Variants in MANSC1 observed in about 807,000 individuals in gnomAD.
MANSC1 encodes the protein MANSC domain-containing protein 1.
In MANSC1, 13 loss-of-function variants were observed where a neutral mutation model predicts 14.1. That is an observed-to-expected ratio of 0.92 (90% CI 0.60 to 1.46). The LOEUF (loss-of-function observed/expected upper bound fraction) is 1.46, where lower values mean the gene tolerates loss of function less well. MANSC1 is among the 40% of genes most tolerant of loss of function. MANSC1 has a pLI of 0.00. For synonymous variants in MANSC1, 227 were observed against 200.7 expected (o/e 1.13, Z -1.11); for missense variants, 486 against 511.4 (o/e 0.95, Z 0.48).
chr12:12,338,597 G>C (rs761276590), intron 2 of MANSC1, 37 bp from the exon 3 acceptor site: 1 of 1,603,920 alleles, frequency 6.2e-7, no homozygotes, highest in Admixed American at 1.7e-5. Context: ...ATTTTGAAAT[G>C]CGATTTTCTA....
intron 3 of MANSC1, among the ~76,000 whole-genome samples, chr12:12,336,790 G>A (rs1001924409): frequency 2.6e-5 from 4 of 152,160 alleles, no homozygotes; most frequent in Admixed American, 2.0e-4. Context: ...CCAGAGTGCT[G>A]GAATTATAGG....
chr12:12,335,572 G>A (rs1040481791), intron 3 of MANSC1, among the ~76,000 whole-genome samples: 25 of 150,824 alleles, frequency 1.7e-4, no homozygotes, highest in South Asian at 1.1e-3. Context: ...AATTCCTGAC[G>A]TTGTGATCTG....
chr12:12,329,802 T>A lies in MANSC1; in HGVS notation c.*225A>T. The stretch of plus-strand genomic sequence containing the variant: ...AGGAGGCTGAGGCAGGAGAATCGCT[T>A]GAACCCAGGAGACGGAGGTTGCGGT... On this transcript the variant is annotated 3_prime_UTR_variant, in exon 4 of 4. Coordinates refer to ENST00000535902, the MANE Select transcript of MANSC1 (RefSeq NM_018050.4). 1 of 485,188 alleles carries A rather than the reference T, an allele frequency of 2.1e-6. No homozygotes were observed. The highest frequency in any genetic ancestry group is 3.4e-5 in the East Asian group (1 of 29,006). 30.1% of individuals were successfully genotyped at this position (485,188 alleles called of 1,614,324 possible). A position where few individuals can be genotyped will look rare whatever the true frequency, so the allele number is the denominator to read the frequency against.
At chr12:12,344,969 T>TATA (rs1862991469) in intron 1 of MANSC1, among the ~76,000 whole-genome samples, 3 of 55,196 alleles carry the variant, frequency 5.4e-5, no homozygotes, top group African/African-American at 1.8e-4. Context: ...ATATATATAT[T>TATA]ACACTAGTTC....
At chr12:12,339,488 G>A (rs906093426) in intron 2 of MANSC1, among the ~76,000 whole-genome samples, 1 of 152,038 alleles carries the variant, frequency 6.6e-6, no homozygotes, top group Non-Finnish European at 1.5e-5. Flanking sequence ...GGCTAGTCTT[G>A]AACTCCTGGG....
At position 12,329,051 on chromosome 12, in the gene MANSC1, G is replaced by C. The variant is rs1862746517; in HGVS notation, c.*976C>G. ...AAGTTAACTAGAACAGATCCCAAGTGGATATGGCCATTTATCAGAACTGAC... is the reference window on the plus strand; with the variant it reads ...AAGTTAACTAGAACAGATCCCAAGTCGATATGGCCATTTATCAGAACTGAC... On this transcript the variant is annotated 3_prime_UTR_variant, in exon 4 of 4. Coordinates refer to ENST00000535902, the MANE Select transcript of MANSC1 (RefSeq NM_018050.4). 6.6e-6 allele frequency: 1 copy of C among 150,872 alleles called. No individual in the cohort carries two copies. The highest frequency in any genetic ancestry group is 1.5e-5 in the Non-Finnish European group (1 of 68,040). The allele number at this position is 150,872 out of a possible 1,614,324, so 9.3% of individuals were successfully genotyped here. A position where few individuals can be genotyped will look rare whatever the true frequency, so the allele number is the denominator to read the frequency against.
rs953901958 is a variant in MANSC1, at chr12:12,335,547, G to A, written c.364+2873C>T. Among the ~76,000 whole-genome samples the A allele has an allele frequency of 7.3e-5, 11 of 150,962 alleles. 1 individual carries two copies. The South Asian group carries it at 2.3e-3, about 32-fold the overall frequency. On this transcript the variant is annotated intron_variant, in intron 3 of 3. Transcript: ENST00000535902. The stretch of plus-strand genomic sequence containing the variant: ...GTAGAGACGGGGTTTCACCATGTTG[G>A]CCAGGCTGGTCTCGAATTCCTGACG...
At chr12:12,343,049 C>A in intron 2 of MANSC1, 43 bp downstream of exon 2, 1 of 1,451,038 alleles carries the variant, frequency 6.9e-7, no homozygotes, top group Non-Finnish European at 9.7e-7. Flanking sequence ...CCTGAAGCCA[C>A]AAAACACATG....
Position 12,329,726 on chromosome 12 carries a change from A to C in MANSC1, c.*301T>G. ...TGGTGAAACCCCGTCTCTACTAAAA[A>C]TACAAAAATCACCCAGGTGTGGTGG... On this transcript the variant is annotated 3_prime_UTR_variant, in exon 4 of 4. Coordinates refer to ENST00000535902, the MANE Select transcript of MANSC1 (RefSeq NM_018050.4). The C allele has an allele frequency of 3.7e-6, 1 of 266,758 alleles. No homozygotes were observed. The highest frequency in any genetic ancestry group is 7.2e-6 in the Non-Finnish European group (1 of 139,762). 16.5% of individuals were successfully genotyped at this position (266,758 alleles called of 1,614,324 possible).
At position 12,330,860 on chromosome 12, in the gene MANSC1, G is replaced by C. The variant is rs1371697341; in HGVS notation, c.463C>G (p.His155Asp). The change falls in exon 4 of 4, where the codon CAT (histidine) becomes GAT (aspartate). Residue 155 changes from histidine (H) to aspartate (D), a missense_variant. Coordinates refer to ENST00000535902, the MANE Select transcript of MANSC1 (RefSeq NM_018050.4). ...QFSQAVTPLA[H>D]HHTDYSKPTD... ...GGCTTTGAATAATCTGTGTGATGAT[G>C]GGCTAGGGGAGTGACTGCTTGTGAA... is the stretch of plus-strand genomic sequence containing the variant. The C allele has an allele frequency of 4.3e-6, 7 of 1,614,010 alleles. No individual in the cohort carries two copies. In the East Asian group the frequency reaches 1.6e-4, roughly 36 times the overall value.
chr12:12,330,568 G>A lies in MANSC1; in HGVS notation c.755C>T (p.Ala252Val). ...GGAAGTCCCAGAAGGTGTCACTGAAGCATTGGTGGGTAGAAGGGTGGCGGG... is the reference window on the plus strand; with the variant it reads ...GGAAGTCCCAGAAGGTGTCACTGAAACATTGGTGGGTAGAAGGGTGGCGGG... The part of the protein sequence containing the change: ...PKPATLLPTN[A>V]SVTPSGTSQP... The change falls in exon 4 of 4, where the codon GCT (alanine) becomes GTT (valine). Residue 252 changes from alanine to valine, a missense_variant. Ala to Val is a moderately conservative substitution (Grantham distance 64). Transcript: ENST00000535902. 6.2e-7 allele frequency: 1 copy of A among 1,614,242 alleles called. No individual in the cohort carries two copies. Among genetic ancestry groups the A allele is most frequent in the Non-Finnish European group, 8.5e-7 (1 of 1,180,040 alleles).
intron 1 of MANSC1, among the ~76,000 whole-genome samples, chr12:12,349,589 G>A (rs1400154621): frequency 6.6e-6 from 1 of 152,132 alleles, no homozygotes; most frequent in Non-Finnish European, 1.5e-5. Context: ...GAGTTTTAAC[G>A]TCTGCATACA....
In MANSC1 at chr12:12,330,616, T is replaced by G. The variant is rs764739130; in HGVS notation, c.707A>C (p.His236Pro). ...GGGCTTTGGAGTAGCCGAGGTGGTA[T>G]GTGGAGAAGCAACTGCCACCGTAGC... ...LPATVAVASP[H>P]TTSATPKPAT... is the part of the protein sequence containing the mutation. Residue 236 changes from histidine to proline, a missense_variant, in exon 4 of 4, where the codon CAT becomes CCT. Physicochemically the swap from His to Pro is moderately conservative, Grantham distance 77. Coordinates refer to ENST00000535902, the MANE Select transcript of MANSC1 (RefSeq NM_018050.4). 1 of 1,614,058 alleles carries G rather than the reference T, an allele frequency of 6.2e-7. No individual in the cohort carries two copies. Among genetic ancestry groups the G allele is most frequent in the Non-Finnish European group, 8.5e-7 (1 of 1,180,018 alleles).
At chr12:12,342,001 A>C (rs1415214917) in intron 2 of MANSC1, among the ~76,000 whole-genome samples, 1 of 152,198 alleles carries the variant, frequency 6.6e-6, no homozygotes, top group Non-Finnish European at 1.5e-5. Context: ...ATCACAGACA[A>C]ACAAACAAAA....
chr12:12,335,797 G>C (rs1166872138), intron 3 of MANSC1, among the ~76,000 whole-genome samples: 1 of 151,400 alleles, frequency 6.6e-6, no homozygotes. Flanking sequence ...AACCGACACT[G>C]CATCACTGAA....
rs537383490 is a variant in MANSC1, at chr12:12,338,052, A to G, written c.364+368T>C. Among the ~76,000 whole-genome samples, 16 of 152,350 alleles carry G rather than the reference A, an allele frequency of 1.1e-4. No homozygotes were observed. The East Asian group carries it at 2.9e-3, about 28-fold the overall frequency. ...TGATTATAATGGGAACTTAATAACA[A>G]ATATACTAGAACTTTCTATATTAAC... On this transcript the variant is annotated intron_variant, in intron 3 of 3. Coordinates refer to ENST00000535902, the MANE Select transcript of MANSC1 (RefSeq NM_018050.4).
At chr12:12,341,764 G>A (rs1437683663) in intron 2 of MANSC1, among the ~76,000 whole-genome samples, 1 of 152,220 alleles carries the variant, frequency 6.6e-6, no homozygotes, top group Non-Finnish European at 1.5e-5. Flanking sequence ...GCCAAGGTGG[G>A]AGGATCATTT....
At chr12:12,331,001 A>G in intron 3 of MANSC1, 43 bp from the exon 4 acceptor site, 1 of 1,181,908 alleles carries the variant, frequency 8.5e-7, no homozygotes, top group Non-Finnish European at 1.2e-6. Context: ...ATGTAACTCC[A>G]TGCTACGGTA....
At chr12:12,348,751 T>C (rs1202877742) in intron 1 of MANSC1, among the ~76,000 whole-genome samples, 1 of 147,760 alleles carries the variant, frequency 6.8e-6, no homozygotes, top group East Asian at 2.0e-4. Context: ...CAAACCAGTA[T>C]ATGGTAATAA....
Sources: gnomAD v4.1 joint callset for allele counts (sites outside exome capture counted in the v4.1 genomes callset) on GRCh38, gnomAD v4.1.1 for gene constraint, MANE v1.5 for transcripts, NCBI Gene and HGNC (gene_info 2026-07-23, HGNC 2026-07-21) for gene names.